The following SMC6 variants were observed in gnomAD, a reference collection of about 807,000 sequenced individuals.
SMC6 encodes structural maintenance of chromosomes protein 6.
SMC6 carries 79 observed loss-of-function variants against 142.2 expected under a neutral mutation model. That is an observed-to-expected ratio of 0.56 (90% CI 0.46 to 0.67). The LOEUF is 0.67. SMC6 is among the 30% of genes least tolerant of loss of function. SMC6 has a pLI of 0.00. For missense variants in SMC6, 1,072 were observed against 1,284.0 expected (o/e 0.83, Z 2.52); for synonymous variants, 411 against 412.4 (o/e 1.00, Z 0.04).
intron 23 of SMC6, 111 bp from the exon 24 acceptor site, chr2:17,683,874 A>AGG (rs909682228): frequency 1.5e-5 from 14 of 931,836 alleles, no homozygotes; most frequent in Non-Finnish European, 2.4e-5. Context: ...GAGAGTACTA[A>AGG]GGGGGCCTAG....
At position 17,726,087 on chromosome 2, in the gene SMC6, T is replaced by TAAAAAAAAAAAAA. The variant is rs35471536; in HGVS notation, c.624+289_624+301dup. ...TGGAAGACAGAGCAAGGCTCTGTCT[T>TAAAAAAAAAAAAA]AAAAAAAAAAAAAAAAAAAAAAAAA... On this transcript the variant is annotated intron_variant, in intron 8 of 27. Transcript: ENST00000448223. 4.2e-4 allele frequency among the ~76,000 whole-genome samples: 23 copies of TAAAAAAAAAAAAA among 54,964 alleles called. 1 individual carries two copies. Among genetic ancestry groups the TAAAAAAAAAAAAA allele is most frequent in the African/African-American group, 1.1e-3 (12 of 11,030 alleles). 36.1% of individuals were successfully genotyped at this position (54,964 alleles called of 152,430 possible).
Position 17,707,255 on chromosome 2 carries a change from G to T in SMC6, c.1970C>A (p.Pro657His). ...ATCCACATCTCTGCTTAGGAACTTAGGTCTTGTATTTTCAGATGAATAATA... is the reference window on the plus strand; with the variant it reads ...ATCCACATCTCTGCTTAGGAACTTATGTCTTGTATTTTCAGATGAATAATA... ...GRYYSSENTRPKFLSRDVDSE... is the reference protein window; with the variant it reads ...GRYYSSENTRHKFLSRDVDSE... Residue 657 changes from proline to histidine, a missense_variant, in exon 18 of 28, where the codon CCT becomes CAT. Pro to His is a moderately conservative substitution (Grantham distance 77). Coordinates refer to ENST00000448223, the MANE Select transcript of SMC6 (RefSeq NM_001142286.2). The T allele has an allele frequency of 6.2e-7, 1 of 1,600,054 alleles. No homozygotes were observed. The highest frequency in any genetic ancestry group is 1.1e-5 in the South Asian group (1 of 88,200).
At chr2:17,740,705 AT>A (rs949043516) in intron 4 of SMC6, 17 of 445,100 alleles carry the variant, frequency 3.8e-5, no homozygotes, top group Admixed American at 1.5e-4. Flanking sequence ...AAATACAAAA[AT>A]TAGCCAGGCT....
rs753951571 is a variant in SMC6, at chr2:17,707,374, A to G, written c.1851T>C (p.Asn617=). 2.0e-6 allele frequency: 3 copies of G among 1,514,496 alleles called. No individual in the cohort carries two copies. The highest frequency in any genetic ancestry group is 2.6e-6 in the Non-Finnish European group (3 of 1,135,530). 93.8% of individuals were successfully genotyped at this position (1,514,496 alleles called of 1,614,324 possible). ...GIETVLLIKN[N]SVARAVMQSQ... is the part of the protein sequence containing the mutation. Reference sequence around the variant, plus strand: ...ACTGCATTACTGCACGAGCTACAGAATTATTCTAAAAGAATAGAAGAAAAT... The same window carrying G: ...ACTGCATTACTGCACGAGCTACAGAGTTATTCTAAAAGAATAGAAGAAAAT... Residue 617 remains asparagine, a synonymous_variant, in exon 18 of 28, where the codon AAT becomes AAC. Coordinates refer to ENST00000448223, the MANE Select transcript of SMC6 (RefSeq NM_001142286.2).
intron 24 of SMC6, 78 bp from the exon 25 acceptor site, chr2:17,679,042 G>C (rs1488298550): frequency 1.1e-6 from 1 of 937,734 alleles, no homozygotes; most frequent in Admixed American, 2.6e-5. Context: ...ATCTAAGCAT[G>C]TGAGAAAACC....
At chr2:17,686,380 G>A (rs1235451738) in intron 23 of SMC6, among the ~76,000 whole-genome samples, 1 of 152,122 alleles carries the variant, frequency 6.6e-6, no homozygotes, top group Non-Finnish European at 1.5e-5. Context: ...TTCTTGGGAG[G>A]GTGAGGCAGG....
chr2:17,682,286 T>C (rs549499568), intron 24 of SMC6, among the ~76,000 whole-genome samples: 2 of 152,210 alleles, frequency 1.3e-5, no homozygotes, highest in African/African-American at 4.8e-5. Context: ...TTTCACACTC[T>C]GGCTATCAGA....
chr2:17,713,908 G>A (rs1352967952), intron 16 of SMC6, among the ~76,000 whole-genome samples: 1 of 152,002 alleles, frequency 6.6e-6, no homozygotes, highest in South Asian at 2.1e-4. Context: ...ACTCCTCTCT[G>A]AATTCTTCCT....
chr2:17,713,496 C>CAGT (rs923642976), intron 16 of SMC6: 5 of 471,028 alleles, frequency 1.1e-5, no homozygotes, highest in African/African-American at 2.0e-5. Context: ...GCCAGCAAGG[C>CAGT]AGTGCCAGGC....
chr2:17,752,853 T>C (rs2125103445), intron 2 of SMC6, 125 bp downstream of exon 2: 1 of 184,220 alleles, frequency 5.4e-6, no homozygotes, highest in South Asian at 1.8e-4. Flanking sequence ...CTGAGAAGTT[T>C]GCCTTTAAAA....
At chr2:17,720,761 AAG>A (rs1448791507) in intron 11 of SMC6, among the ~76,000 whole-genome samples, 177 bp downstream of exon 11, 6 of 152,262 alleles carry the variant, frequency 3.9e-5, no homozygotes, top group African/African-American at 1.2e-4. Flanking sequence ...CTCTTTTCAA[AAG>A]AGAGTCACCA....
At chr2:17,697,910 T>C (rs780827392) in intron 21 of SMC6, among the ~76,000 whole-genome samples, 1 of 152,078 alleles carries the variant, frequency 6.6e-6, no homozygotes, top group Non-Finnish European at 1.5e-5. Flanking sequence ...AGCACCCAAA[T>C]GTCCATCAAT....
At chr2:17,714,091 TG>T (rs1372797053) in intron 16 of SMC6, among the ~76,000 whole-genome samples, 34 of 115,848 alleles carry the variant, frequency 2.9e-4, no homozygotes, top group African/African-American at 1.3e-3. Flanking sequence ...TTGTTTTTTT[TG>T]TTTTTTTTTT....
intron 11 of SMC6, among the ~76,000 whole-genome samples, chr2:17,718,965 A>C (rs535551638): frequency 5.3e-5 from 8 of 152,310 alleles, no homozygotes; most frequent in Admixed American, 3.9e-4. Flanking sequence ...AAAAGATTTC[A>C]GTAAGAAGTT....
At chr2:17,744,144 G>A (rs1056950215) in intron 3 of SMC6, among the ~76,000 whole-genome samples, 1 of 152,206 alleles carries the variant, frequency 6.6e-6, no homozygotes, top group African/African-American at 2.4e-5. Context: ...GGTTTTGTAA[G>A]AAACTGCCAA....
chr2:17,728,950 ATGTT>A (rs780600988), intron 7 of SMC6, among the ~76,000 whole-genome samples: 51 of 152,074 alleles, frequency 3.4e-4, no homozygotes, highest in Non-Finnish European at 6.6e-4. Flanking sequence ...GGGTTTCACC[ATGTT>A]GGCCAGCCTG....
intron 11 of SMC6, among the ~76,000 whole-genome samples, chr2:17,720,106 G>A (rs1669295692): frequency 6.6e-6 from 1 of 152,150 alleles, no homozygotes; most frequent in South Asian, 2.1e-4. Flanking sequence ...CCACAGTTCT[G>A]GCTGCTCAAC....
Position 17,745,821 on chromosome 2 carries a change from G to C in SMC6, c.120+6C>G. The C allele has an allele frequency of 6.3e-7, 1 of 1,588,790 alleles. No homozygotes were observed. The highest frequency in any genetic ancestry group is 8.5e-7 in the Non-Finnish European group (1 of 1,170,582). On this transcript the variant is annotated splice_donor_region_variant and intron_variant, in intron 3 of 27. Coordinates refer to ENST00000448223, the MANE Select transcript of SMC6 (RefSeq NM_001142286.2). Reference sequence around the variant, plus strand: ...AAAAAGCATAATTTTGTAATTTTTCGCTTACCAAAGTAGTACCTTTACATT... The same window carrying C: ...AAAAAGCATAATTTTGTAATTTTTCCCTTACCAAAGTAGTACCTTTACATT...
chr2:17,703,512 T>G (rs1178758032), intron 18 of SMC6, among the ~76,000 whole-genome samples: 1 of 152,162 alleles, frequency 6.6e-6, no homozygotes, highest in African/African-American at 2.4e-5. Flanking sequence ...ACTTATTTCC[T>G]TAACAAGTAG....
Sources: gnomAD v4.1 joint callset for allele counts (sites outside exome capture counted in the v4.1 genomes callset) on GRCh38, gnomAD v4.1.1 for gene constraint, MANE v1.5 for transcripts, NCBI Gene and HGNC (gene_info 2026-07-23, HGNC 2026-07-21) for gene names.